The following HPSE2 variants were observed in gnomAD, a reference collection of about 807,000 sequenced individuals.
HPSE2 encodes the protein inactive heparanase-2.
In HPSE2, 38 loss-of-function variants were observed where a neutral mutation model predicts 60.5. The observed-to-expected ratio is 0.63, with a 90% confidence interval of 0.48 to 0.82. HPSE2 has a LOEUF of 0.82. HPSE2 is among the 40% of genes least tolerant of loss of function. The pLI is 0.00. For missense variants in HPSE2, 713 were observed against 740.4 expected (o/e 0.96, Z 0.43); for synonymous variants, 295 against 293.2 (o/e 1.01, Z -0.06).
intron 3 of HPSE2, among the ~76,000 whole-genome samples, chr10:98,968,158 C>A (rs935597986): frequency 4.6e-5 from 7 of 152,150 alleles, no homozygotes; most frequent in African/African-American, 1.7e-4. Flanking sequence ...CACTCTTATG[C>A]CTTTAAAAAT....
chr10:98,569,637 T>C (rs1241790847), intron 9 of HPSE2, among the ~76,000 whole-genome samples: 3 of 152,180 alleles, frequency 2.0e-5, no homozygotes, highest in African/African-American at 7.2e-5. Context: ...CCATGAAGCC[T>C]TTCTTGGTCT....
intron 3 of HPSE2, among the ~76,000 whole-genome samples, chr10:98,859,893 T>C (rs1025183407): frequency 6.6e-6 from 1 of 152,048 alleles, no homozygotes; most frequent in Admixed American, 6.6e-5. Flanking sequence ...AAAATTACTA[T>C]ATACAGTAAG....
intron 11 of HPSE2, among the ~76,000 whole-genome samples, chr10:98,463,281 C>T (rs1226373007): frequency 6.6e-6 from 1 of 152,222 alleles, no homozygotes; most frequent in East Asian, 1.9e-4. Context: ...CCAGCTACCT[C>T]TCCAGTCTCA....
At chr10:98,984,206 C>G (rs919770333) in intron 3 of HPSE2, among the ~76,000 whole-genome samples, 1 of 152,198 alleles carries the variant, frequency 6.6e-6, no homozygotes, top group African/African-American at 2.4e-5. Flanking sequence ...CAAGCAGGTC[C>G]CTGACCCCCA....
chr10:99,170,805 T>C (rs1487396194), intron 2 of HPSE2, among the ~76,000 whole-genome samples: 1 of 152,258 alleles, frequency 6.6e-6, no homozygotes, highest in African/African-American at 2.4e-5. Flanking sequence ...CCGCCCTCTG[T>C]ATCCATGAGT....
At chr10:98,827,441 C>T (rs1309698716) in intron 3 of HPSE2, among the ~76,000 whole-genome samples, 1 of 152,084 alleles carries the variant, frequency 6.6e-6, no homozygotes, top group Non-Finnish European at 1.5e-5. Flanking sequence ...CTCCTGACTT[C>T]GTGATCCGCC....
In HPSE2 at chr10:98,937,942, G is replaced by A. The variant is rs1051142183; in HGVS notation, c.611-193886C>T. ...CATTCGCGGTTCATAAAAATCCACTGTTCTGCAGACACCTCTGCTGATACC... is the reference window on the plus strand; with the variant it reads ...CATTCGCGGTTCATAAAAATCCACTATTCTGCAGACACCTCTGCTGATACC... On this transcript the variant is annotated intron_variant, in intron 3 of 11. Coordinates refer to ENST00000370552, the MANE Select transcript of HPSE2 (RefSeq NM_021828.5). Among the ~76,000 whole-genome samples the A allele has an allele frequency of 2.1e-5, 3 of 143,712 alleles. 1 individual carries two copies. Among genetic ancestry groups the A allele is most frequent in the African/African-American group, 5.7e-5 (2 of 35,236 alleles). 94.3% of individuals were successfully genotyped at this position (143,712 alleles called of 152,430 possible).
chr10:99,209,113 G>T (rs1282482419), intron 2 of HPSE2, among the ~76,000 whole-genome samples: 1 of 152,044 alleles, frequency 6.6e-6, no homozygotes, highest in Non-Finnish European at 1.5e-5. Context: ...GGAAAAACTG[G>T]ACATGAACAA....
intron 3 of HPSE2, among the ~76,000 whole-genome samples, chr10:98,828,721 G>A (rs1951611441): frequency 6.6e-6 from 1 of 152,142 alleles, no homozygotes; most frequent in African/African-American, 2.4e-5. Flanking sequence ...AGTGTCGGCT[G>A]GTAAGAGTGG....
At chr10:98,612,964 T>C (rs986616786) in intron 9 of HPSE2, among the ~76,000 whole-genome samples, 1 of 152,318 alleles carries the variant, frequency 6.6e-6, no homozygotes, top group African/African-American at 2.4e-5. Context: ...TGTTCTTGTG[T>C]TTCCGCAAAC....
intron 2 of HPSE2, among the ~76,000 whole-genome samples, chr10:99,155,163 AACACCCC>A (rs1384276724): frequency 7.1e-6 from 1 of 140,786 alleles, no homozygotes; most frequent in Non-Finnish European, 1.6e-5. Context: ...GGGAGACTTT[AACACCCC>A]ACTGTCAACA....
chr10:98,994,625 T>G (rs1956602440), intron 3 of HPSE2, among the ~76,000 whole-genome samples: 1 of 152,200 alleles, frequency 6.6e-6, no homozygotes, highest in South Asian at 2.1e-4. Context: ...ACAGTGGCTA[T>G]AGCCATGTCA....
chr10:98,870,067 G>A (rs1460387321), intron 3 of HPSE2, among the ~76,000 whole-genome samples: 1 of 152,048 alleles, frequency 6.6e-6, no homozygotes, highest in Admixed American at 6.6e-5. Context: ...ATTTTATTAG[G>A]GGAGGCAGGT....
chr10:98,599,649 T>C (rs1457237600), intron 9 of HPSE2, among the ~76,000 whole-genome samples: 1 of 152,156 alleles, frequency 6.6e-6, no homozygotes, highest in African/African-American at 2.4e-5. Flanking sequence ...AAGTGCAGGG[T>C]ATCTCTTTCA....
rs185233097 is a variant in HPSE2 at position 99,073,027 on chromosome 10, G to A, written c.610+71211C>T. The stretch of plus-strand genomic sequence containing the variant: ...CAGGAATGCTTTTACACTGTTGGTG[G>A]GAATGTAAATTAGTTCAACCATTGT... On this transcript the variant is annotated intron_variant, in intron 3 of 11. Coordinates refer to ENST00000370552, the MANE Select transcript of HPSE2 (RefSeq NM_021828.5). 2.4e-3 allele frequency among the ~76,000 whole-genome samples: 357 copies of A among 151,530 alleles called. 2 individuals carry two copies. The highest frequency in any genetic ancestry group is 0.021 in the Middle Eastern group (6 of 292).
chr10:99,211,985 C>G (rs1848967031), intron 2 of HPSE2, among the ~76,000 whole-genome samples: 1 of 152,064 alleles, frequency 6.6e-6, no homozygotes, highest in Non-Finnish European at 1.5e-5. Context: ...ATATAAAGAA[C>G]ACAACTCAAC....
At chr10:98,476,167 T>C (rs909009043) in intron 11 of HPSE2, among the ~76,000 whole-genome samples, 3 of 151,248 alleles carry the variant, frequency 2.0e-5, no homozygotes, top group African/African-American at 7.3e-5. Context: ...GTTCATGTCC[T>C]TTGTAGGGAC....
intron 4 of HPSE2, among the ~76,000 whole-genome samples, chr10:98,727,680 A>AAC (rs914196892): frequency 2.9e-4 from 31 of 105,560 alleles, no homozygotes; most frequent in African/African-American, 9.1e-4. Flanking sequence ...CAACAACAAC[A>AAC]AAAAAAAACA....
chr10:99,141,871 T>G (rs2135771665), intron 3 of HPSE2, among the ~76,000 whole-genome samples: 1 of 152,340 alleles, frequency 6.6e-6, no homozygotes, highest in South Asian at 2.1e-4. Flanking sequence ...AATCACTTAA[T>G]TTTTGTTACT....
Sources: gnomAD v4.1 joint callset for allele counts (sites outside exome capture counted in the v4.1 genomes callset) on GRCh38, gnomAD v4.1.1 for gene constraint, MANE v1.5 for transcripts, NCBI Gene and HGNC (gene_info 2026-07-23, HGNC 2026-07-21) for gene names.